SLCO3A1: variants seen among roughly 807,000 people sequenced by gnomAD.
SLCO3A1 encodes solute carrier organic anion transporter family member 3A1.
Under a neutral mutation model 63.1 loss-of-function variants are expected in SLCO3A1, and 27 were observed. The ratio of observed to expected loss-of-function variants is 0.43; its 90% CI spans 0.32 to 0.59. SLCO3A1 has a LOEUF of 0.59. Among genes scored for constraint, SLCO3A1 ranks in the 20% least tolerant of loss-of-function variants. SLCO3A1 has a pLI of 0.09. For missense variants in SLCO3A1, 773 were observed against 945.8 expected (o/e 0.82, Z 2.40); for synonymous variants, 473 against 409.9 (o/e 1.15, Z -1.86).
At chr15:91,975,802 CA>C (rs1341464108) in intron 2 of SLCO3A1, among the ~76,000 whole-genome samples, 1 of 152,230 alleles carries the variant, frequency 6.6e-6, no homozygotes, top group African/African-American at 2.4e-5. Flanking sequence ...GCAAGAGGAG[CA>C]GCCTACTTTC....
At chr15:91,890,392 T>C (rs1897841537) in intron 1 of SLCO3A1, among the ~76,000 whole-genome samples, 1 of 152,190 alleles carries the variant, frequency 6.6e-6, no homozygotes, top group Admixed American at 6.5e-5. Flanking sequence ...AAACATATAT[T>C]ATATCCTGGG....
rs1204174811 is a variant in SLCO3A1, at chr15:91,880,539, G to A, written c.180+26451G>A. On this transcript the variant is annotated intron_variant, in intron 1 of 9. Coordinates refer to ENST00000318445, the MANE Select transcript of SLCO3A1 (RefSeq NM_013272.4). ...GTCTCTCCTGCTCCCTAACCCCAGG[G>A]CAGCACTATTCTGTTCTCCATCTCT... Among the ~76,000 whole-genome samples, 3 of 151,928 alleles carry A rather than the reference G, an allele frequency of 2.0e-5. No individual in the cohort carries two copies. In the East Asian group the frequency reaches 5.8e-4, roughly 29 times the overall value.
At chr15:91,960,125 A>G (rs61155306) in intron 2 of SLCO3A1, among the ~76,000 whole-genome samples, 57,314 of 151,980 alleles carry the variant, frequency 0.38, 11,536 homozygotes, top group East Asian at 0.6. Flanking sequence ...CTGGGACTAT[A>G]GGCGCGTGCC....
chr15:91,915,486 T>G (rs949900693), intron 1 of SLCO3A1, among the ~76,000 whole-genome samples: 3 of 152,150 alleles, frequency 2.0e-5, no homozygotes, highest in Admixed American at 6.5e-5. Flanking sequence ...AGCTTGTGCA[T>G]TTTGCCACTT....
intron 2 of SLCO3A1, among the ~76,000 whole-genome samples, chr15:91,922,703 G>A (rs925782969): frequency 2.0e-5 from 3 of 152,196 alleles, no homozygotes; most frequent in African/African-American, 4.8e-5. Flanking sequence ...GCCATCTCTC[G>A]TGGGAGCAAG....
chr15:92,110,296 A>G (rs1370557846), intron 4 of SLCO3A1, among the ~76,000 whole-genome samples: 3 of 152,114 alleles, frequency 2.0e-5, no homozygotes, highest in African/African-American at 4.8e-5. Context: ...GTTAACATTA[A>G]CAAGGTAACA....
chr15:92,054,961 A>C (rs190913338), intron 2 of SLCO3A1, among the ~76,000 whole-genome samples: 187 of 152,300 alleles, frequency 1.2e-3, no homozygotes, highest in Non-Finnish European at 5.7e-4. Flanking sequence ...CTTTGGGTAT[A>C]TACCCAGTAA....
chr15:92,058,497 G>A (rs2047048179), intron 2 of SLCO3A1, among the ~76,000 whole-genome samples: 1 of 152,078 alleles, frequency 6.6e-6, no homozygotes, highest in Non-Finnish European at 1.5e-5. Context: ...GTCCCGCAGG[G>A]TATGGCTACA....
rs757889262 is a variant in SLCO3A1 at position 91,878,085 on chromosome 15, C to CTT, written c.180+24017_180+24018dup. On this transcript the variant is annotated intron_variant, in intron 1 of 9. Transcript: ENST00000318445. ...TGGCATCTGAAGTAGGGATTTAGGC[C>CTT]TTTTTTTTTTTTTTTTTTTTTGAGA... Among the ~76,000 whole-genome samples, 503 of 119,790 alleles carry CTT rather than the reference C, an allele frequency of 4.2e-3. 6 individuals are homozygous for CTT. The highest frequency in any genetic ancestry group is 5.7e-3 in the South Asian group (22 of 3,866). The allele number at this position is 119,790 out of a possible 152,430, so 78.6% of individuals were successfully genotyped here. A position where few individuals can be genotyped will look rare whatever the true frequency, so the allele number is the denominator to read the frequency against.
intron 2 of SLCO3A1, among the ~76,000 whole-genome samples, chr15:92,050,853 A>C (rs2046948392): frequency 6.6e-6 from 1 of 152,124 alleles, no homozygotes; most frequent in South Asian, 2.1e-4. Context: ...GGGATGATGT[A>C]GCCTCCTGGC....
intron 1 of SLCO3A1, among the ~76,000 whole-genome samples, chr15:91,857,069 T>A (rs58052357): frequency 0.17 from 17,932 of 107,318 alleles, 2,886 homozygotes; most frequent in African/African-American, 0.43. Flanking sequence ...TGTGTGTGTG[T>A]GAGAGAGAGA....
chr15:91,948,242 G>T lies in SLCO3A1; in HGVS notation c.646+31784G>T, dbSNP rs555803075. Among the ~76,000 whole-genome samples the T allele has an allele frequency of 1.3e-5, 2 of 152,128 alleles. No homozygotes were observed. Among genetic ancestry groups the T allele is most frequent in the African/African-American group, 4.8e-5 (2 of 41,448 alleles). On this transcript the variant is annotated intron_variant, in intron 2 of 9. Coordinates refer to ENST00000318445, the MANE Select transcript of SLCO3A1 (RefSeq NM_013272.4). The surrounding 1 kb of genome is among the most constrained non-coding windows in gnomAD (Gnocchi z 4.8). ...GAAGCTTTTTCCACTCCTGCTTGGC[G>T]CATGAGAATACAACCAGCTGGTCCC...
chr15:92,048,732 C>T (rs762967282), intron 2 of SLCO3A1, among the ~76,000 whole-genome samples: 2 of 152,174 alleles, frequency 1.3e-5, no homozygotes, highest in East Asian at 1.9e-4. Context: ...AACCCCATCT[C>T]TACTAAAAAT....
At chr15:92,044,982 T>C (rs569026738) in intron 2 of SLCO3A1, among the ~76,000 whole-genome samples, 58 of 152,288 alleles carry the variant, frequency 3.8e-4, no homozygotes, top group Non-Finnish European at 7.9e-4. Flanking sequence ...CAAATCTTGA[T>C]CCATCTAACT....
At chr15:92,161,602 A>G (rs1408263416) in intron 9 of SLCO3A1, 1 of 152,228 alleles carries the variant, frequency 6.6e-6, no homozygotes, top group African/African-American at 2.4e-5. Flanking sequence ...TTGTCAGTAT[A>G]TATGCAGATA....
At chr15:91,937,424 A>G (rs1899452649) in intron 2 of SLCO3A1, among the ~76,000 whole-genome samples, 1 of 152,140 alleles carries the variant, frequency 6.6e-6, no homozygotes, top group Non-Finnish European at 1.5e-5. Flanking sequence ...GCTGCATTTT[A>G]AAAAGTGGGA....
At chr15:92,166,740 T>C (rs1315812219), downstream of SLCO3A1, among the ~76,000 whole-genome samples, 1 of 152,224 alleles carries the variant, frequency 6.6e-6, no homozygotes, top group Non-Finnish European at 1.5e-5. Context: ...GAGGAGGTCA[T>C]TCACTGAGGA....
intron 2 of SLCO3A1, among the ~76,000 whole-genome samples, chr15:92,016,266 A>ATATAGATAGATAGAT (rs1555424466): frequency 0.017 from 2,340 of 134,824 alleles, 30 homozygotes; most frequent in Non-Finnish European, 0.024. Context: ...AGATAGATAG[A>ATATAGATAGATAGAT]TAGATAGATA....
Position 92,047,592 on chromosome 15 carries a change from T to TAATATATAAATTA in SLCO3A1, c.647-47280_647-47279insATTAAATATATAA, listed in dbSNP as rs1317548390. On this transcript the variant is annotated intron_variant, in intron 2 of 9. Transcript: ENST00000318445. ...TATAAATATATATATAATATATATA[T>TAATATATAAATTA]AATATATAATATATATATAATATAT... Among the ~76,000 whole-genome samples the TAATATATAAATTA allele has an allele frequency of 8.8e-5, 2 of 22,778 alleles. 1 individual carries two copies. Among genetic ancestry groups the TAATATATAAATTA allele is most frequent in the Non-Finnish European group, 1.5e-4 (2 of 13,782 alleles). 14.9% of individuals were successfully genotyped at this position (22,778 alleles called of 152,430 possible). A position where few individuals can be genotyped will look rare whatever the true frequency, so the allele number is the denominator to read the frequency against.
Sources: gnomAD v4.1 joint callset for allele counts (sites outside exome capture counted in the v4.1 genomes callset) on GRCh38, gnomAD v4.1.1 for gene constraint, Gnocchi (gnomAD v3.1) non-coding constraint, MANE v1.5 for transcripts, NCBI Gene and HGNC (gene_info 2026-07-23, HGNC 2026-07-21) for gene names.